SMYD3: variants seen among roughly 807,000 people sequenced by gnomAD.
SMYD3 encodes the protein SET and MYND domain containing 3, also known as histone-lysine N-methyltransferase SMYD3.
SMYD3 carries 36 observed loss-of-function variants against 57.7 expected under a neutral mutation model. The ratio of observed to expected loss-of-function variants is 0.62; its 90% confidence interval spans 0.48 to 0.82. SMYD3 has a LOEUF of 0.82. Ranked by LOEUF, SMYD3 falls within the 40% of genes least tolerant of loss-of-function variation. SMYD3 has a pLI of 0.00. For synonymous variants in SMYD3, 211 were observed against 195.0 expected (o/e 1.08, Z -0.68); for missense variants, 515 against 538.8 (o/e 0.96, Z 0.44).
At chr1:246,406,024 G>C (rs55979419) in intron 1 of SMYD3, among the ~76,000 whole-genome samples, 67,457 of 151,022 alleles carry the variant, frequency 0.45, 15,866 homozygotes, top group Admixed American at 0.55. Context: ...TCATTCTCCT[G>C]TAGGTTAAAT....
intron 10 of SMYD3, among the ~76,000 whole-genome samples, chr1:245,817,272 C>T (rs932683164): frequency 2.1e-5 from 3 of 143,910 alleles, no homozygotes; most frequent in African/African-American, 5.3e-5. Flanking sequence ...GGGAGGCACC[C>T]CCCAGCAGGG....
At chr1:246,128,850 T>C (rs1364248095) in intron 5 of SMYD3, among the ~76,000 whole-genome samples, 1 of 152,180 alleles carries the variant, frequency 6.6e-6, no homozygotes, top group Non-Finnish European at 1.5e-5. Context: ...TTGCCCAGGC[T>C]GGAGTGCAGT....
At chr1:246,005,352 G>A (rs1419849173) in intron 5 of SMYD3, among the ~76,000 whole-genome samples, 2 of 152,230 alleles carry the variant, frequency 1.3e-5, no homozygotes, top group Non-Finnish European at 2.9e-5. Context: ...ACAGCTGGAA[G>A]ACCATCACAT....
intron 1 of SMYD3, among the ~76,000 whole-genome samples, chr1:246,481,115 G>A (rs910134259): frequency 1.3e-5 from 2 of 152,038 alleles, no homozygotes; most frequent in Non-Finnish European, 2.9e-5. Flanking sequence ...TAGATCTCAA[G>A]TTCTATAATA....
chr1:246,202,481 CAGCTGGAACCG>C lies in SMYD3; in HGVS notation c.531+124709_531+124719del, dbSNP rs2062937098. ...GGCCTTGACTCTGCCTGCAAGAATT[CAGCTGGAACCG>C]AGTCAACTCCTTCCCCCTTTCCTCA... On this transcript the variant is annotated intron_variant, in intron 5 of 11. Transcript: ENST00000490107. This position sits in a 1 kb window ranked among gnomAD's most constrained non-coding sequence, Gnocchi z 4.1. Among the ~76,000 whole-genome samples, 2 of 152,186 alleles carry C rather than the reference CAGCTGGAACCG, an allele frequency of 1.3e-5. No individual in the cohort carries two copies. Among genetic ancestry groups the C allele is most frequent in the East Asian group, 3.9e-4 (2 of 5,182 alleles).
chr1:246,325,013 G>A (rs1311941116), intron 5 of SMYD3, among the ~76,000 whole-genome samples: 2 of 82,468 alleles, frequency 2.4e-5, no homozygotes, highest in African/African-American at 4.6e-5. Context: ...AGAAGGAGTC[G>A]GGGGAGCGGG....
Position 246,306,992 on chromosome 1 carries a change from G to GAA in SMYD3, c.531+20207_531+20208dup, listed in dbSNP as rs150830742. On this transcript the variant is annotated intron_variant, in intron 5 of 11. Coordinates refer to ENST00000490107, the MANE Select transcript of SMYD3 (RefSeq NM_001167740.2). The stretch of plus-strand genomic sequence containing the variant: ...GGGAGGATGGGTTTTTCTTAAGAAT[G>GAA]AAAAAAAAAACAACTCAGCTTTTCA... Among the ~76,000 whole-genome samples, 125 of 145,726 alleles carry GAA rather than the reference G, an allele frequency of 8.6e-4. 1 individual carries two copies. Among genetic ancestry groups the GAA allele is most frequent in the Non-Finnish European group, 8.5e-4 (56 of 65,906 alleles).
chr1:246,184,345 A>G lies in SMYD3; in HGVS notation c.531+142856T>C, dbSNP rs568427047. Reference sequence around the variant, plus strand: ...TGTAACCACTGAAAAATTAGAACAGATAAATAGGAATGGGTCAGTATAATT... The same window carrying G: ...TGTAACCACTGAAAAATTAGAACAGGTAAATAGGAATGGGTCAGTATAATT... On this transcript the variant is annotated intron_variant, in intron 5 of 11. Transcript: ENST00000490107. Among the ~76,000 whole-genome samples, 4 of 152,280 alleles carry G rather than the reference A, an allele frequency of 2.6e-5. No individual in the cohort carries two copies. The South Asian group carries it at 8.3e-4, about 32-fold the overall frequency.
In SMYD3 at chr1:246,054,400, G is replaced by A. The variant is rs138545107; in HGVS notation, c.532-124463C>T. On this transcript the variant is annotated intron_variant, in intron 5 of 11. Coordinates refer to ENST00000490107, the MANE Select transcript of SMYD3 (RefSeq NM_001167740.2). ...TTAGATATAATACTAACCATATAAC[G>A]TAGCCACTGTGACCACAGATATTTT... 3.3e-3 allele frequency among the ~76,000 whole-genome samples: 500 copies of A among 152,276 alleles called. 5 individuals are homozygous for A. The highest frequency in any genetic ancestry group is 0.011 in the African/African-American group (453 of 41,544).
intron 10 of SMYD3, among the ~76,000 whole-genome samples, chr1:245,801,694 T>C (rs2047869653): frequency 1.3e-5 from 2 of 149,172 alleles, no homozygotes; most frequent in African/African-American, 5.0e-5. Flanking sequence ...TATCTTCTTT[T>C]ACACAAAGAA....
At chr1:245,763,046 C>G (rs2045922072) in intron 11 of SMYD3, among the ~76,000 whole-genome samples, 1 of 152,196 alleles carries the variant, frequency 6.6e-6, no homozygotes, top group African/African-American at 2.4e-5. Context: ...AGGCCTGGGC[C>G]AGACAGCAGA....
intron 2 of SMYD3, among the ~76,000 whole-genome samples, chr1:246,345,446 A>C (rs1206050935): frequency 6.6e-6 from 1 of 152,166 alleles, no homozygotes; most frequent in Non-Finnish European, 1.5e-5. Flanking sequence ...TGGGACCAGA[A>C]GTGCTTCAGG....
intron 4 of SMYD3, among the ~76,000 whole-genome samples, chr1:246,328,215 A>T (rs2065389742): frequency 6.6e-6 from 1 of 152,172 alleles, no homozygotes; most frequent in Non-Finnish European, 1.5e-5. Context: ...ACAAAAAACA[A>T]GATATGATGT....
chr1:246,054,459 T>G (rs1363851319), intron 5 of SMYD3, among the ~76,000 whole-genome samples: 1 of 152,206 alleles, frequency 6.6e-6, no homozygotes, highest in Non-Finnish European at 1.5e-5. Flanking sequence ...CAAAGATTTG[T>G]ACATGAATGT....
At chr1:246,363,779 C>T (rs1301886749) in intron 1 of SMYD3, among the ~76,000 whole-genome samples, 1 of 152,000 alleles carries the variant, frequency 6.6e-6, no homozygotes, top group Non-Finnish European at 1.5e-5. Flanking sequence ...GGGACACAAA[C>T]ACTGCGGAAG....
At chr1:246,208,989 T>C (rs1396992243) in intron 5 of SMYD3, among the ~76,000 whole-genome samples, 2 of 152,288 alleles carry the variant, frequency 1.3e-5, no homozygotes, top group South Asian at 2.1e-4. Context: ...CTGTTGAGTA[T>C]AGTCTGAAAT....
chr1:246,491,580 G>A (rs1376705803), intron 1 of SMYD3, among the ~76,000 whole-genome samples: 1 of 151,634 alleles, frequency 6.6e-6, no homozygotes, highest in Admixed American at 6.6e-5. Context: ...ATAAGAATCA[G>A]TCATTAAAGG....
At chr1:245,896,647 C>T (rs2053823797) in intron 8 of SMYD3, among the ~76,000 whole-genome samples, 1 of 152,140 alleles carries the variant, frequency 6.6e-6, no homozygotes, top group Non-Finnish European at 1.5e-5. Context: ...TAAACAAAAC[C>T]AGGGCTGATG....
At chr1:245,822,506 C>G (rs546957126) in intron 10 of SMYD3, among the ~76,000 whole-genome samples, 1 of 150,988 alleles carries the variant, frequency 6.6e-6, no homozygotes, top group Non-Finnish European at 1.5e-5. Flanking sequence ...ATGTAACTAA[C>G]CTGCACAATG....
Sources: allele counts gnomAD v4.1 joint callset (sites outside exome capture counted in the v4.1 genomes callset), GRCh38; gene constraint gnomAD v4.1.1; non-coding constraint Gnocchi (gnomAD v3.1); transcripts MANE v1.5; gene names NCBI Gene and HGNC (gene_info 2026-07-23, HGNC 2026-07-21).